Variants in SRGAP3 observed in about 807,000 individuals in gnomAD.
SRGAP3 encodes the protein SLIT-ROBO Rho GTPase-activating protein 3.
Under a neutral mutation model 121.1 loss-of-function variants are expected in SRGAP3, and 39 were observed. The ratio of observed to expected loss-of-function variants is 0.32; its 90% CI spans 0.25 to 0.42. The LOEUF is 0.42. Ranked by LOEUF, SRGAP3 falls within the 10% of genes least tolerant of loss-of-function variation. The pLI is 1.00. For missense variants in SRGAP3, 1,213 were observed against 1,470.6 expected (o/e 0.82, Z 2.86); for synonymous variants, 601 against 570.0 (o/e 1.05, Z -0.77).
rs375349237 is a variant in SRGAP3, at chr3:9,057,635, TC to T, written c.1023+615del. Among the ~76,000 whole-genome samples, 10 of 152,128 alleles carry T rather than the reference TC, an allele frequency of 6.6e-5. No homozygotes were observed. The East Asian group carries it at 1.9e-3, about 29-fold the overall frequency. ...GGTCTGGGACACTGTTGGAGTGGGT[TC>T]CCCCAATGCCCCGAGGGAGCAGTGA... On this transcript the variant is annotated intron_variant, in intron 7 of 21. Transcript: ENST00000383836.
intron 9 of SRGAP3, 94 bp from the exon 10 acceptor site, chr3:9,047,569 A>T (rs1486433963): frequency 7.8e-7 from 1 of 1,277,804 alleles, no homozygotes; most frequent in Non-Finnish European, 1.1e-6. Flanking sequence ...CGGAAGCCGA[A>T]CAGAGATCAC....
chr3:8,992,987 T>C lies in SRGAP3; in HGVS notation c.2477A>G (p.Asp826Gly). ...DSEASSGPLLDDKASSKNDLQ... is the reference protein window; with the variant it reads ...DSEASSGPLLGDKASSKNDLQ... ...GTCGTTTTTGGAAGAGGCCTTGTCA[T>C]CCAGCAATGGCCCACTGCTGGCCTC... is the stretch of plus-strand genomic sequence containing the variant. Residue 826 changes from aspartate (D) to glycine (G), a missense_variant, in exon 20 of 22, where the codon GAT (aspartate) becomes GGT (glycine). Coordinates refer to ENST00000383836, the MANE Select transcript of SRGAP3 (RefSeq NM_014850.4). 3.1e-6 allele frequency: 5 copies of C among 1,614,234 alleles called. No individual in the cohort carries two copies. The highest frequency in any genetic ancestry group is 4.2e-6 in the Non-Finnish European group (5 of 1,180,050).
At chr3:9,358,200 A>G (rs974125110) in intron 1 of SRGAP3, among the ~76,000 whole-genome samples, 1 of 152,050 alleles carries the variant, frequency 6.6e-6, no homozygotes, top group Admixed American at 6.6e-5. Context: ...CATCACTTCC[A>G]TAAGAAACTC....
At position 9,326,554 on chromosome 3, in the gene SRGAP3, G is replaced by T. The variant is rs73126626; in HGVS notation, n.284-386C>A. 6.2e-3 allele frequency among the ~76,000 whole-genome samples: 942 copies of T among 151,844 alleles called. 8 individuals are homozygous for T. The highest frequency in any genetic ancestry group is 0.022 in the African/African-American group (904 of 41,522). ...AGCTTTAAGGACTTGGGAAGGATAA[G>T]GTGGCTGTCCTGGTTCTTCATGAGT... On this transcript the variant is annotated intron_variant and non_coding_transcript_variant, in intron 2 of 3. Coordinates refer to the SRGAP3 transcript ENST00000490889.
At chr3:9,250,661 C>A (rs1953989232), upstream of SRGAP3, among the ~76,000 whole-genome samples, 1 of 152,144 alleles carries the variant, frequency 6.6e-6, no homozygotes, top group South Asian at 2.1e-4. Context: ...TAAACAGTAG[C>A]AACTGTTATT....
At chr3:9,337,009 G>A (rs1256585230) in intron 1 of SRGAP3, among the ~76,000 whole-genome samples, 1 of 152,118 alleles carries the variant, frequency 6.6e-6, no homozygotes, top group African/African-American at 2.4e-5. Context: ...TAGGATTACA[G>A]GCATGAGTCT....
intron 1 of SRGAP3, among the ~76,000 whole-genome samples, chr3:9,130,168 G>A (rs182546893): frequency 3.9e-4 from 60 of 151,978 alleles, no homozygotes; most frequent in African/African-American, 1.4e-3. Context: ...ACACATTCAC[G>A]CCACAAATAC....
intron 6 of SRGAP3, 136 bp downstream of exon 6, chr3:9,060,095 C>A (rs1436001009): frequency 8.6e-6 from 12 of 1,397,674 alleles, no homozygotes; most frequent in Non-Finnish European, 1.2e-5. Context: ...TGCCCTTCCC[C>A]TCCAGCAGGG....
rs1952456697 is a variant in SRGAP3, at chr3:9,211,820, T to C, written c.67+37065A>G. On this transcript the variant is annotated intron_variant, in intron 1 of 21. Transcript: ENST00000383836. Reference sequence around the variant, plus strand: ...CATCCTGAGTAGCTGGGACTACAGGTGCTCATCAACATGCCCAGCTAATTT... The same window carrying C: ...CATCCTGAGTAGCTGGGACTACAGGCGCTCATCAACATGCCCAGCTAATTT... Among the ~76,000 whole-genome samples the C allele has an allele frequency of 3.3e-5, 5 of 151,538 alleles. No individual in the cohort carries two copies. In the South Asian group the frequency reaches 1.0e-3, roughly 32 times the overall value.
intron 1 of SRGAP3, among the ~76,000 whole-genome samples, chr3:9,179,043 C>T (rs1444357844): frequency 6.6e-6 from 1 of 152,140 alleles, no homozygotes; most frequent in African/African-American, 2.4e-5. Context: ...TCTGAGTTTC[C>T]GATCCTGCCC....
rs146344167 is a variant in SRGAP3 at position 9,126,254 on chromosome 3, A to G, written c.68-1337T>C. On this transcript the variant is annotated intron_variant, in intron 1 of 21. Coordinates refer to ENST00000383836, the MANE Select transcript of SRGAP3 (RefSeq NM_014850.4). ...TTCTCTCTTTACAGGAAAAAGAGCAACTGCTCACTCGTCCAGAATCTATGA... is the reference window on the plus strand; with the variant it reads ...TTCTCTCTTTACAGGAAAAAGAGCAGCTGCTCACTCGTCCAGAATCTATGA... 2.5e-3 allele frequency among the ~76,000 whole-genome samples: 375 copies of G among 152,008 alleles called. 2 individuals are homozygous for G. The highest frequency in any genetic ancestry group is 8.2e-3 in the African/African-American group (339 of 41,540).
chr3:9,255,592 G>C (rs1424550246), intron 3 of SRGAP3, among the ~76,000 whole-genome samples: 1 of 152,202 alleles, frequency 6.6e-6, no homozygotes, highest in African/African-American at 2.4e-5. Flanking sequence ...GGAGCCAGGG[G>C]TGTTCTGCTT....
chr3:9,118,113 C>G (rs1244445572), intron 2 of SRGAP3, among the ~76,000 whole-genome samples: 1 of 152,078 alleles, frequency 6.6e-6, no homozygotes, highest in Non-Finnish European at 1.5e-5. Context: ...GCTTGGGCGA[C>G]AGGGTGAGAC....
chr3:9,111,623 G>C (rs569728765), intron 2 of SRGAP3, among the ~76,000 whole-genome samples: 28 of 152,294 alleles, frequency 1.8e-4, no homozygotes, highest in African/African-American at 6.5e-4. Context: ...GCCGCAGACC[G>C]CAGAGCCAGA....
At chr3:9,168,695 A>T (rs1950877979) in intron 1 of SRGAP3, among the ~76,000 whole-genome samples, 1 of 152,260 alleles carries the variant, frequency 6.6e-6, no homozygotes, top group Admixed American at 6.5e-5. Context: ...TGTGTTTCTT[A>T]AACCAAGTAA....
At chr3:9,012,327 T>C (rs1468169048) in intron 17 of SRGAP3, among the ~76,000 whole-genome samples, 2 of 152,222 alleles carry the variant, frequency 1.3e-5, no homozygotes, top group African/African-American at 4.8e-5. Context: ...TACCTAAATA[T>C]ATAGCTGTGT....
At chr3:9,187,207 G>A (rs1231224414) in intron 1 of SRGAP3, among the ~76,000 whole-genome samples, 1 of 148,382 alleles carries the variant, frequency 6.7e-6, no homozygotes, top group Admixed American at 7.0e-5. Context: ...GTGAGAACAT[G>A]CGGTGTTTGG....
chr3:9,153,590 A>G (rs535541120), intron 1 of SRGAP3, among the ~76,000 whole-genome samples: 2 of 152,312 alleles, frequency 1.3e-5, no homozygotes, highest in East Asian at 3.9e-4. Context: ...TTTTGTTAAG[A>G]CCCAAAGGGA....
rs770273765 is a variant in SRGAP3, at chr3:9,038,012, A to G, written c.1436+51T>C. 10 of 1,612,858 alleles carry G rather than the reference A, an allele frequency of 6.2e-6. No individual in the cohort carries two copies. The Middle Eastern group carries it at 5.0e-4, about 80-fold the overall frequency. On this transcript the variant is annotated intron_variant, in intron 11 of 21. Transcript: ENST00000383836. Reference sequence around the variant, plus strand: ...GGCAGTGCCTCCCCAGCCCCATCCCACTCCCACCTCGGGCAGCAGATGAAA... The same window carrying G: ...GGCAGTGCCTCCCCAGCCCCATCCCGCTCCCACCTCGGGCAGCAGATGAAA...
Sources: gnomAD v4.1 joint callset for allele counts (sites outside exome capture counted in the v4.1 genomes callset) on GRCh38, gnomAD v4.1.1 for gene constraint, MANE v1.5 for transcripts, NCBI Gene and HGNC (gene_info 2026-07-23, HGNC 2026-07-21) for gene names.